Variants in POLQ observed in about 807,000 individuals in gnomAD.
The protein encoded by POLQ is DNA polymerase theta.
Under a neutral mutation model 259.2 loss-of-function variants are expected in POLQ, and 233 were observed. That is an observed-to-expected ratio of 0.90 (90% CI 0.81 to 1.00). POLQ has a LOEUF of 1.00. POLQ is among the 50% of genes least tolerant of loss of function. The pLI, the probability that POLQ is intolerant of heterozygous loss-of-function variation, is 0.00. For missense variants in POLQ, 2,871 were observed against 3,051.6 expected, an observed-to-expected ratio of 0.94 and a Z score of 1.39; for synonymous variants, 1,025 against 1,048.8, an observed-to-expected ratio of 0.98 and a Z score of 0.44.
chr3:121,474,734 C>T (rs573273916), intron 20 of POLQ, among the ~76,000 whole-genome samples: 1 of 152,082 alleles, frequency 6.6e-6, no homozygotes, highest in South Asian at 2.1e-4. Flanking sequence ...ACTATTTAGC[C>T]CAAGAACTAT....
chr3:121,445,419 A>G (rs1576398797), intron 26 of POLQ, among the ~76,000 whole-genome samples: 1 of 152,330 alleles, frequency 6.6e-6, no homozygotes, highest in East Asian at 1.9e-4. Context: ...ACTGGCATAT[A>G]GCTGCTCATA....
Position 121,490,076 on chromosome 3 carries a change from G to A in POLQ, c.2855C>T (p.Ser952Leu), listed in dbSNP as rs1215480184. The change falls in exon 16 of 30, where the codon TCA (serine) becomes TTA (leucine). Residue 952 changes from serine to leucine, a missense_variant. Transcript: ENST00000264233. Reference protein sequence around the residue: ...TIFSDSYIKHSPNIVQDLNKS... With the variant: ...TIFSDSYIKHLPNIVQDLNKS... ...ATTTAAGTCTTGCACTATATTTGGT[G>A]AATGCTTAATATAAGAATCACTAAA... 1 of 1,582,936 alleles carries A rather than the reference G, an allele frequency of 6.3e-7. No individual in the cohort carries two copies. Among genetic ancestry groups the A allele is most frequent in the Admixed American group, 1.8e-5 (1 of 55,490 alleles).
rs752423727 is a variant in POLQ at position 121,490,241 on chromosome 3, TG to T, written c.2689del (p.Gln897AsnfsTer15). 1 of 1,614,220 alleles carries T rather than the reference TG, an allele frequency of 6.2e-7. No individual in the cohort carries two copies. Among genetic ancestry groups the T allele is most frequent in the Non-Finnish European group, 8.5e-7 (1 of 1,180,020 alleles). On this transcript the variant is annotated frameshift_variant, in exon 16 of 30. Transcript: ENST00000264233. LOFTEE classifies it high-confidence loss of function. ...LQQDLVEMGVQWNPCALLHSS... is the reference protein window; with the variant it reads ...LQQDLVEMGVXWNPCALLHSS... ...ATGTAACAGGGCACATGGATTCCAT[TG>T]CACTCCCATTTCAACTAAGTCCTGC...
In POLQ at chr3:121,432,306, A is replaced by ACACATCAAAGTCCTT; in HGVS notation, c.7756_7770dup (p.Lys2586_Val2590dup). The ACACATCAAAGTCCTT allele has an allele frequency of 6.3e-7, 1 of 1,595,302 alleles. No homozygotes were observed. Among genetic ancestry groups the ACACATCAAAGTCCTT allele is most frequent in the Non-Finnish European group, 8.5e-7 (1 of 1,172,498 alleles). The stretch of plus-strand genomic sequence containing the variant: ...GGAGGACTTCATCAACAGCACAGTT[A>ACACATCAAAGTCCTT]CACATCAAAGTCCTTTAGCTCTCCC... On this transcript the variant is annotated inframe_insertion, in exon 30 of 30. Transcript: ENST00000264233.
In POLQ at chr3:121,536,882, G is replaced by A. The variant is rs2048455173; in HGVS notation, c.740+218C>T. On this transcript the variant is annotated intron_variant, in intron 5 of 29. Transcript: ENST00000264233. ...GCTGGTCTGGAACTCAGGCTCAAGT[G>A]ATCCTCCCACATCAGCCTTCCAAAG... Among the ~76,000 whole-genome samples the A allele has an allele frequency of 3.9e-5, 6 of 152,062 alleles. No homozygotes were observed. In the South Asian group the frequency reaches 1.2e-3, roughly 32 times the overall value.
At chr3:121,496,579 T>C (rs1169384383) in intron 14 of POLQ, among the ~76,000 whole-genome samples, 1 of 152,060 alleles carries the variant, frequency 6.6e-6, no homozygotes, top group African/African-American at 2.4e-5. Flanking sequence ...AGTCAGCAGG[T>C]TGCTAAGGAA....
intron 12 of POLQ, among the ~76,000 whole-genome samples, chr3:121,505,616 T>C (rs558709276): frequency 6.6e-6 from 1 of 152,250 alleles, no homozygotes; most frequent in East Asian, 1.9e-4. Context: ...ATAAATGAAT[T>C]TTTTAATAAA....
At chr3:121,532,939 G>C (rs567883579) in intron 6 of POLQ, 51 bp downstream of exon 6, 1 of 1,152,884 alleles carries the variant, frequency 8.7e-7, no homozygotes, top group South Asian at 1.5e-5. Flanking sequence ...GCTAGAAAAT[G>C]AAATCAAACA....
chr3:121,473,548 AAT>A (rs749402353), intron 20 of POLQ, 61 bp from the exon 21 acceptor site: 202 of 1,396,312 alleles, frequency 1.4e-4, no homozygotes, highest in Non-Finnish European at 1.9e-4. Context: ...TCATTCAGAA[AAT>A]ATTTTAAGTT....
At chr3:121,501,076 A>C (rs995933820) in intron 12 of POLQ, among the ~76,000 whole-genome samples, 4 of 152,036 alleles carry the variant, frequency 2.6e-5, no homozygotes, top group African/African-American at 4.8e-5. Flanking sequence ...CCATCCTCCC[A>C]CCTCAGCCTC....
At chr3:121,458,922 T>C (rs1044549770) in intron 25 of POLQ, among the ~76,000 whole-genome samples, 2 of 152,180 alleles carry the variant, frequency 1.3e-5, no homozygotes. Context: ...TGTGAGGAAC[T>C]AGAAATGTAA....
At chr3:121,447,766 G>A (rs1052231055) in intron 26 of POLQ, among the ~76,000 whole-genome samples, 3 of 152,084 alleles carry the variant, frequency 2.0e-5, no homozygotes, top group Non-Finnish European at 4.4e-5. Context: ...GCTTTCATTT[G>A]TCTGAGAAAG....
Position 121,488,245 on chromosome 3 carries a change from A to G in POLQ, c.4686T>C (p.Asp1562=), listed in dbSNP as rs2048030991. ...NDESIIFSEM[D]SVQMVEALDN... is the part of the protein sequence containing the mutation. ...CCAAAGCTTCAACCATCTGAACAGA[A>G]TCCATTTCTGAAAATATAATAGATT... The change falls in exon 16 of 30, where the codon GAT becomes GAC. Residue 1562 remains aspartate, a synonymous_variant. Coordinates refer to ENST00000264233, the MANE Select transcript of POLQ (RefSeq NM_199420.4). 3.1e-6 allele frequency: 5 copies of G among 1,613,378 alleles called. No homozygotes were observed. The East Asian group carries it at 1.1e-4, about 36-fold the overall frequency.
intron 15 of POLQ, 110 bp downstream of exon 15, chr3:121,493,368 T>C (rs1560099022): frequency 1.0e-5 from 8 of 795,020 alleles, no homozygotes; most frequent in Non-Finnish European, 1.5e-5. Flanking sequence ...ACACCAAGTA[T>C]ATAATAAGAT....
rs773243963 is a variant in POLQ, at chr3:121,509,628, A to G, written c.1892T>C (p.Ile631Thr). 1 of 1,613,850 alleles carries G rather than the reference A, an allele frequency of 6.2e-7. No individual in the cohort carries two copies. ...SSLSPADTLD[I>T]FADLQRAMKG... ...CATTGCTCTTTGCAGGTCAGCAAAA[A>G]TATCTAAAGTATCAGCTGGAGAAAG... Residue 631 changes from isoleucine to threonine, a missense_variant, in exon 12 of 30, where the codon ATT becomes ACT. Ile to Thr is a moderately conservative substitution (Grantham distance 89). This residue lies in a region of POLQ where 783 missense variants were observed against 906.2 expected (regional missense o/e 0.86). Coordinates refer to ENST00000264233, the MANE Select transcript of POLQ (RefSeq NM_199420.4).
At position 121,441,501 on chromosome 3, in the gene POLQ, T is replaced by C. The variant is rs146154117; in HGVS notation, c.7265-1385A>G. On this transcript the variant is annotated intron_variant, in intron 26 of 29. Coordinates refer to ENST00000264233, the MANE Select transcript of POLQ (RefSeq NM_199420.4). ...GAATGACACTGTATATGCTCATTTG[T>C]GTCTGCCTTCTTTTGCTAAGGAAAA... 3.2e-3 allele frequency among the ~76,000 whole-genome samples: 484 copies of C among 152,362 alleles called. 8 individuals are homozygous for C. Among genetic ancestry groups the C allele is most frequent in the African/African-American group, 0.011 (461 of 41,590 alleles).
rs199742003 is a variant in POLQ at position 121,469,361 on chromosome 3, ACT to A, written c.6719-932_6719-931del. 4.2e-3 allele frequency among the ~76,000 whole-genome samples: 644 copies of A among 152,056 alleles called. 26 individuals are homozygous for A. The East Asian group carries it at 0.09, about 21-fold the overall frequency. ...TTATAACACTATCAGCAACACTAAA[ACT>A]CTATTTTATGACACACTCTTCATTG... On this transcript the variant is annotated intron_variant, in intron 22 of 29. Transcript: ENST00000264233.
At chr3:121,495,138 G>C (rs766133178) in intron 14 of POLQ, among the ~76,000 whole-genome samples, 2 of 152,244 alleles carry the variant, frequency 1.3e-5, no homozygotes, top group Non-Finnish European at 2.9e-5. Context: ...AGGCATGGCG[G>C]TGCATGCCTG....
intron 21 of POLQ, 52 bp downstream of exon 21, chr3:121,473,298 T>C: frequency 6.8e-7 from 1 of 1,466,354 alleles, no homozygotes; most frequent in Middle Eastern, 1.8e-4. Context: ...GACACCAAAA[T>C]GTTAAAAGTA....
Sources: allele counts gnomAD v4.1 joint callset (sites outside exome capture counted in the v4.1 genomes callset), GRCh38; gene constraint gnomAD v4.1.1; regional missense constraint gnomAD v4.1.1; transcripts MANE v1.5; gene names NCBI Gene and HGNC (gene_info 2026-07-23, HGNC 2026-07-21).